Variants in NOTCH2NLA observed in about 807,000 individuals in gnomAD.
NOTCH2NLA encodes notch 2 N-terminal like A, also known as notch homolog 2 N-terminal-like protein A.
At position 146,219,795 on chromosome 1, in the gene NOTCH2NLA, T is replaced by C. The variant is rs11577434; in HGVS notation, c.-45+8914A>G. On this transcript the variant is annotated intron_variant, in intron 1 of 4. Coordinates refer to ENST00000362074, the Ensembl canonical transcript of NOTCH2NLA. ...TATATATGTAGATCTGTTCATAAAC[T>C]AAAAAAAAAAAATATATATATATAT... Among the ~76,000 whole-genome samples, 5 of 78,544 alleles carry C rather than the reference T, an allele frequency of 6.4e-5. 1 individual carries two copies. The highest frequency in any genetic ancestry group is 6.7e-5 in the Non-Finnish European group (3 of 44,774). The allele number at this position is 78,544 out of a possible 152,430, so 51.5% of individuals were successfully genotyped here.
In NOTCH2NLA at chr1:146,200,439, ATATAT is replaced by A. The variant is rs1395417295; in HGVS notation, c.-44-11063_-44-11059del. On this transcript the variant is annotated intron_variant, in intron 1 of 4. Coordinates refer to ENST00000362074, the Ensembl canonical transcript of NOTCH2NLA. ...CTCTGCCTGAGAAAAAAAAAAAAAA[ATATAT>A]ATATATATATATATTCCTGAACTTC... 1.6e-4 allele frequency among the ~76,000 whole-genome samples: 3 copies of A among 19,354 alleles called. No individual in the cohort carries two copies. In the East Asian group the frequency reaches 3.2e-3, roughly 21 times the overall value. 12.7% of individuals were successfully genotyped at this position (19,354 alleles called of 152,430 possible).
chr1:146,187,400 A>G (rs2258246), intron 2 of NOTCH2NLA, among the ~76,000 whole-genome samples: 1 of 135,742 alleles, frequency 7.4e-6, no homozygotes, highest in African/African-American at 2.5e-5. Context: ...ACTCAGTAAT[A>G]GGATTGCTGG....
chr1:146,172,471 C>CT (rs1559376686), intron 2 of NOTCH2NLA, among the ~76,000 whole-genome samples: 1 of 151,242 alleles, frequency 6.6e-6, no homozygotes. Context: ...CCATCTTACT[C>CT]TTTAGTAATC....
downstream of NOTCH2NLA, chr1:146,154,207 C>T (rs1661033148): frequency 7.8e-6 from 1 of 127,830 alleles, no homozygotes; most frequent in Non-Finnish European, 1.6e-5. Context: ...AGCAGATGTG[C>T]AGTGCAATGT....
Position 146,197,300 on chromosome 1 carries a change from TA to T in NOTCH2NLA, c.-44-7920del, listed in dbSNP as rs1439031756. Reference sequence around the variant, plus strand: ...TCAACGATAACAACTTATAAATGAATATTTTTTGTATTACTAACAGACTTTT... The same window carrying T: ...TCAACGATAACAACTTATAAATGAATTTTTTTGTATTACTAACAGACTTTT... On this transcript the variant is annotated intron_variant, in intron 1 of 4. Transcript: ENST00000362074. Among the ~76,000 whole-genome samples the T allele has an allele frequency of 9.4e-5, 7 of 74,644 alleles. 1 individual carries two copies. The highest frequency in any genetic ancestry group is 3.5e-4 in the African/African-American group (6 of 17,310). 49.0% of individuals were successfully genotyped at this position (74,644 alleles called of 152,430 possible).
chr1:146,210,599 C>G lies in NOTCH2NLA; in HGVS notation c.-45+18110G>C, dbSNP rs1214382016. On this transcript the variant is annotated intron_variant, in intron 1 of 4. Transcript: ENST00000362074. ...AACAATTCCAAGGTCTATTCCTCCT[C>G]CCAACACACACACACACACACACAC... Among the ~76,000 whole-genome samples the G allele has an allele frequency of 4.9e-5, 5 of 102,346 alleles. 2 individuals carry two copies. The highest frequency in any genetic ancestry group is 9.8e-5 in the African/African-American group (2 of 20,468). 67.1% of individuals were successfully genotyped at this position (102,346 alleles called of 152,430 possible). A position where few individuals can be genotyped will look rare whatever the true frequency, so the allele number is the denominator to read the frequency against.
At chr1:146,172,776 C>T (rs1286430871) in intron 2 of NOTCH2NLA, among the ~76,000 whole-genome samples, 1 of 150,300 alleles carries the variant, frequency 6.7e-6, no homozygotes, top group East Asian at 1.9e-4. Flanking sequence ...TATGTCTTTG[C>T]TGTACCTTTC....
At chr1:146,177,921 G>GT (rs1162261502) in intron 2 of NOTCH2NLA, among the ~76,000 whole-genome samples, 7 of 137,148 alleles carry the variant, frequency 5.1e-5, no homozygotes, top group African/African-American at 1.5e-4. Context: ...GGATCCTAGG[G>GT]TAAGAACTGT....
intron 1 of NOTCH2NLA, among the ~76,000 whole-genome samples, chr1:146,207,746 A>G (rs1663657274): frequency 1.1e-5 from 1 of 87,250 alleles, no homozygotes; most frequent in Non-Finnish European, 2.6e-5. Flanking sequence ...TCTGCAGTTT[A>G]AAAAACAATG....
chr1:146,187,306 C>G (rs1287110123), intron 2 of NOTCH2NLA, among the ~76,000 whole-genome samples: 2 of 130,594 alleles, frequency 1.5e-5, no homozygotes, highest in Non-Finnish European at 3.5e-5. Context: ...GGTTCCAAGT[C>G]TTTCCTACTG....
Position 146,185,949 on chromosome 1 carries a change from A to G in NOTCH2NLA, c.38+3351T>C, listed in dbSNP as rs1177110610. The stretch of plus-strand genomic sequence containing the variant: ...CTTCTTTCTCCACAGAAAAAAAGGT[A>G]AGGTTGGTGAAAATACACTGAAAGC... On this transcript the variant is annotated intron_variant, in intron 2 of 4. Transcript: ENST00000362074. Among the ~76,000 whole-genome samples, 4 of 135,464 alleles carry G rather than the reference A, an allele frequency of 3.0e-5. 1 individual carries two copies. Among genetic ancestry groups the G allele is most frequent in the Non-Finnish European group, 6.8e-5 (4 of 58,468 alleles). The allele number at this position is 135,464 out of a possible 152,430, so 88.9% of individuals were successfully genotyped here.
downstream of NOTCH2NLA, chr1:146,154,066 T>C (rs587716837): frequency 2.7e-5 from 3 of 111,944 alleles, no homozygotes; most frequent in South Asian, 8.4e-4. Flanking sequence ...CACATATTGA[T>C]ATGTAACAAG....
chr1:146,180,866 TC>T lies in NOTCH2NLA; in HGVS notation c.38+8433del, dbSNP rs1440884472. ...TTTCTCATATTCTGATATCCCCCAT[TC>T]CTTTGCTATCATTCATAAGGGCAGA... On this transcript the variant is annotated intron_variant, in intron 2 of 4. Transcript: ENST00000362074. Among the ~76,000 whole-genome samples the T allele has an allele frequency of 4.6e-4, 52 of 113,622 alleles. No homozygotes were observed. In the East Asian group the frequency reaches 7.2e-3, roughly 16 times the overall value. The allele number at this position is 113,622 out of a possible 152,430, so 74.5% of individuals were successfully genotyped here.
At chr1:146,187,436 T>A (rs1458873686) in intron 2 of NOTCH2NLA, among the ~76,000 whole-genome samples, 1 of 135,432 alleles carries the variant, frequency 7.4e-6, no homozygotes, top group Non-Finnish European at 1.7e-5. Flanking sequence ...TGGTTCTAGA[T>A]CCTTGAGGAA....
At chr1:146,170,824 C>T (rs1248486161) in intron 2 of NOTCH2NLA, among the ~76,000 whole-genome samples, 2 of 119,460 alleles carry the variant, frequency 1.7e-5, no homozygotes, top group Admixed American at 9.3e-5. Context: ...GTTATGTGGG[C>T]CTTTTGTTTT....
chr1:146,187,069 C>T (rs1313540772), intron 2 of NOTCH2NLA, among the ~76,000 whole-genome samples: 1 of 128,176 alleles, frequency 7.8e-6, no homozygotes, highest in Non-Finnish European at 1.8e-5. Flanking sequence ...TGATGTTCCC[C>T]TCCCTGTGTC....
chr1:146,158,379 T>C (rs1297648508), intron 3 of NOTCH2NLA, among the ~76,000 whole-genome samples: 269 of 151,356 alleles, frequency 1.8e-3, no homozygotes, highest in Non-Finnish European at 1.5e-3. Context: ...AGTGTTCTCA[T>C]TGTTCAATTC....
At chr1:146,180,126 T>C (rs1240279158) in intron 2 of NOTCH2NLA, among the ~76,000 whole-genome samples, 1 of 143,176 alleles carries the variant, frequency 7.0e-6, no homozygotes, top group African/African-American at 2.4e-5. Context: ...TCCATCTAAC[T>C]TTCAGTGTTC....
chr1:146,183,084 ACT>A (rs1283149917), intron 2 of NOTCH2NLA, among the ~76,000 whole-genome samples: 2 of 104,212 alleles, frequency 1.9e-5, no homozygotes, highest in Admixed American at 1.1e-4. Context: ...GTTTTTTGGC[ACT>A]CTCTTAAATT....
Sources: gnomAD v4.1 joint callset for allele counts (sites outside exome capture counted in the v4.1 genomes callset) on GRCh38, gnomAD v4.1.1 for gene constraint, MANE v1.5 for transcripts, NCBI Gene and HGNC (gene_info 2026-07-23, HGNC 2026-07-21) for gene names.